The following SASH1 variants were observed in gnomAD, a reference collection of about 807,000 sequenced individuals.
SASH1 encodes the protein SAM and SH3 domain-containing protein 1.
A neutral mutation model predicts 125.2 loss-of-function variants in SASH1; 44 were observed. That is an observed-to-expected ratio of 0.35 (90% CI 0.28 to 0.45). The LOEUF is 0.45. SASH1 is among the 20% of genes least tolerant of loss of function. The probability of loss-of-function intolerance (pLI) is 1.00; values close to 1 mark genes in which losing one functional copy is unlikely to be tolerated. For synonymous variants in SASH1, 639 were observed against 649.1 expected (o/e 0.98, Z 0.24); for missense variants, 1,426 against 1,614.5 (o/e 0.88, Z 2.00).
chr6:148,237,900 C>T, the SASH1 span, among the ~76,000 whole-genome samples: 45 of 152,260 alleles, frequency 3.0e-4, no homozygotes, highest in East Asian at 1.9e-4. Flanking sequence ...TGCTTTATGA[C>T]GGGTCTGCCA....
At chr6:148,368,490 C>G (rs1435768638) in intron 1 of SASH1, among the ~76,000 whole-genome samples, 1 of 152,088 alleles carries the variant, frequency 6.6e-6, no homozygotes, top group Admixed American at 6.6e-5. Context: ...AGGCTGGTCT[C>G]AAACTCCTGA....
At chr6:148,424,649 G>T (rs990459784) in intron 2 of SASH1, among the ~76,000 whole-genome samples, 5 of 152,170 alleles carry the variant, frequency 3.3e-5, no homozygotes, top group African/African-American at 4.8e-5. Context: ...GGGTTTACTG[G>T]TGTGAGCCAC....
At chr6:148,404,543 C>T (rs1357370184) in intron 2 of SASH1, among the ~76,000 whole-genome samples, 1 of 149,010 alleles carries the variant, frequency 6.7e-6, no homozygotes, top group Non-Finnish European at 1.5e-5. Context: ...GACTTACTAC[C>T]CACCCCCAGC....
chr6:148,390,700 C>A (rs1049880995), intron 2 of SASH1, among the ~76,000 whole-genome samples: 3 of 151,722 alleles, frequency 2.0e-5, no homozygotes, highest in South Asian at 2.1e-4. Context: ...AGGCAGGAGA[C>A]TGGCGTGAAC....
Position 148,424,174 on chromosome 6 carries a change from T to G in SASH1, c.286-16010T>G, listed in dbSNP as rs551600770. On this transcript the variant is annotated intron_variant, in intron 2 of 19. Coordinates refer to ENST00000367467, the MANE Select transcript of SASH1 (RefSeq NM_015278.5). ...TCCTTTTTAATAAAATGATGGTGAG[T>G]CCATCTTTGTCTTTTAAAAAATTTT... Among the ~76,000 whole-genome samples, 11 of 151,818 alleles carry G rather than the reference T, an allele frequency of 7.2e-5. 1 individual carries two copies. In the South Asian group the frequency reaches 2.3e-3, roughly 32 times the overall value.
chr6:148,263,790 A>T, the SASH1 span, among the ~76,000 whole-genome samples: 1 of 152,220 alleles, frequency 6.6e-6, no homozygotes, highest in Non-Finnish European at 1.5e-5. Flanking sequence ...ATCTGTACAC[A>T]TCTAACTCCG....
At chr6:148,261,970 C>A in the SASH1 span, among the ~76,000 whole-genome samples, 1 of 152,074 alleles carries the variant, frequency 6.6e-6, no homozygotes, top group African/African-American at 2.4e-5. Context: ...ATGCAACAAG[C>A]AAAAGGATGG....
At chr6:148,535,130 A>T (rs1272937938) in intron 16 of SASH1, among the ~76,000 whole-genome samples, 1 of 152,222 alleles carries the variant, frequency 6.6e-6, no homozygotes, top group African/African-American at 2.4e-5. Flanking sequence ...GGAGTCACTT[A>T]TTCTGTCCTG....
At chr6:148,426,603 A>G (rs1775836062) in intron 2 of SASH1, among the ~76,000 whole-genome samples, 1 of 152,202 alleles carries the variant, frequency 6.6e-6, no homozygotes, top group African/African-American at 2.4e-5. Context: ...TGAAATGCAA[A>G]GTGAGTGACT....
intron 2 of SASH1, among the ~76,000 whole-genome samples, chr6:148,422,159 A>G (rs1223726382): frequency 6.6e-6 from 1 of 152,198 alleles, no homozygotes; most frequent in Non-Finnish European, 1.5e-5. Flanking sequence ...CACAAGCACC[A>G]ATGCCCAAGA....
intron 9 of SASH1, among the ~76,000 whole-genome samples, chr6:148,515,410 T>C (rs1194286657): frequency 6.6e-6 from 1 of 152,230 alleles, no homozygotes; most frequent in Non-Finnish European, 1.5e-5. Flanking sequence ...GAATTTCCCC[T>C]TATTTGCAAA....
chr6:148,524,482 T>C (rs1291730285), intron 10 of SASH1: 1 of 152,164 alleles, frequency 6.6e-6, no homozygotes, highest in Non-Finnish European at 1.5e-5. Flanking sequence ...CACTAAGATA[T>C]AAGCAGTTCC....
In SASH1 at chr6:148,343,181, C is replaced by G; in HGVS notation, c.114C>G (p.Ser38=). 1 of 1,600,262 alleles carries G rather than the reference C, an allele frequency of 6.2e-7. No individual in the cohort carries two copies. ...EPEPKPGAGT[S]EAFSRLWTDV... ...AGCCCAAGCCGGGTGCTGGCACATC[C>G]GAGGCGTTCTCCCGACTCTGGACCG... is the stretch of plus-strand genomic sequence containing the variant. The change falls in exon 1 of 20, where the codon TCC becomes TCG. Residue 38 remains serine (S), a synonymous_variant. Coordinates refer to ENST00000367467, the MANE Select transcript of SASH1 (RefSeq NM_015278.5).
the SASH1 span, among the ~76,000 whole-genome samples, chr6:148,248,471 T>C: frequency 1.3e-5 from 2 of 152,188 alleles, no homozygotes; most frequent in Admixed American, 1.3e-4. Flanking sequence ...AATTCTGCCA[T>C]AAGGGTACAA....
At chr6:148,217,896 TC>T in the SASH1 span, among the ~76,000 whole-genome samples, 3 of 150,470 alleles carry the variant, frequency 2.0e-5, no homozygotes, top group Non-Finnish European at 4.4e-5. Context: ...GTGTCTGTAG[TC>T]CCAGCTACTG....
intron 1 of SASH1, among the ~76,000 whole-genome samples, chr6:148,325,602 C>A (rs989395104): frequency 6.6e-6 from 1 of 152,004 alleles, no homozygotes; most frequent in African/African-American, 2.4e-5. Flanking sequence ...ACCATCAGAT[C>A]TTACGAGAAC....
At chr6:148,440,957 C>T (rs1776520714) in intron 4 of SASH1, among the ~76,000 whole-genome samples, 1 of 152,212 alleles carries the variant, frequency 6.6e-6, no homozygotes, top group African/African-American at 2.4e-5. Flanking sequence ...TTTCTGCTCT[C>T]ATGGAAGCTA....
At chr6:148,386,085 G>A (rs1269618616) in intron 1 of SASH1, among the ~76,000 whole-genome samples, 2 of 152,086 alleles carry the variant, frequency 1.3e-5, no homozygotes, top group Non-Finnish European at 1.5e-5. Context: ...CGGTAGTGTC[G>A]GATTTGAACT....
chr6:148,477,434 A>G (rs542141103), intron 7 of SASH1, among the ~76,000 whole-genome samples: 13 of 152,342 alleles, frequency 8.5e-5, no homozygotes, highest in African/African-American at 3.1e-4. Context: ...TCAGAAGAAG[A>G]CAAAGGGAAA....
Sources: allele counts gnomAD v4.1 joint callset (sites outside exome capture counted in the v4.1 genomes callset), GRCh38; gene constraint gnomAD v4.1.1; transcripts MANE v1.5; gene names NCBI Gene and HGNC (gene_info 2026-07-23, HGNC 2026-07-21).